HK3: variants seen among roughly 807,000 people sequenced by gnomAD.
The protein encoded by HK3 is hexokinase-3.
HK3 carries 93 observed loss-of-function variants against 91.0 expected under a neutral mutation model. The observed-to-expected ratio is 1.02, with a 90% CI of 0.86 to 1.21. The LOEUF (loss-of-function observed/expected upper bound fraction) is 1.21, where lower values mean the gene tolerates loss of function less well. Ranked by LOEUF, HK3 falls within the 50% of genes most tolerant of loss-of-function variation. HK3 has a pLI of 0.00. For synonymous variants in HK3, 519 were observed against 516.9 expected (o/e 1.00, Z -0.06); for missense variants, 1,235 against 1,247.4 (o/e 0.99, Z 0.15).
rs1758514751 is a variant in HK3 at position 176,884,018 on chromosome 5, A to T, written c.1953+21T>A. 6.2e-7 allele frequency: 1 copy of T among 1,611,344 alleles called. No individual in the cohort carries two copies. Among genetic ancestry groups the T allele is most frequent in the Admixed American group, 1.7e-5 (1 of 59,998 alleles). On this transcript the variant is annotated intron_variant, in intron 14 of 18. Coordinates refer to ENST00000292432, the MANE Select transcript of HK3 (RefSeq NM_002115.3). This position sits in a 1 kb window ranked among gnomAD's most constrained non-coding sequence, Gnocchi z 4.1. ...TCAAGGCCTGCCACAGCCCCAAAGC[A>T]CCCCTAGAACAGGCTCCTACCTGTC...
At chr5:176,894,750 T>C (rs1474367379) in intron 2 of HK3, among the ~76,000 whole-genome samples, 8 of 151,800 alleles carry the variant, frequency 5.3e-5, no homozygotes, top group Admixed American at 1.3e-4. Context: ...CAAGTACCCT[T>C]TAGTGGGCAC....
In HK3 at chr5:176,888,493, A is replaced by C. The variant is rs1758664020; in HGVS notation, c.1143T>G (p.Val381=). Residue 381 remains valine, a synonymous_variant, in exon 10 of 19, where the codon GTT becomes GTG. Coordinates refer to ENST00000292432, the MANE Select transcript of HK3 (RefSeq NM_002115.3). ...CCGCACAGACGTGCTGCACAAGCTC[A>C]ACATCCGAAGCCCCAGGGCTCAGGC... is the stretch of plus-strand genomic sequence containing the variant. ...DLGLSPGASD[V]ELVQHVCAAV... The C allele has an allele frequency of 6.4e-7, 1 of 1,553,894 alleles. No individual in the cohort carries two copies. The highest frequency in any genetic ancestry group is 8.7e-7 in the Non-Finnish European group (1 of 1,148,092).
chr5:176,883,887 C>T lies in HK3; in HGVS notation c.1954-18G>A, dbSNP rs1758510050. ...TCCACTGCCTGCACACAAAAGGATG[C>T]TGCTAGTTGCTGGGCAACGCGGTCG... On this transcript the variant is annotated intron_variant, in intron 14 of 18. Transcript: ENST00000292432. 6.2e-7 allele frequency: 1 copy of T among 1,612,404 alleles called. No individual in the cohort carries two copies. The highest frequency in any genetic ancestry group is 8.5e-7 in the Non-Finnish European group (1 of 1,178,630).
chr5:176,891,183 C>G lies in HK3; in HGVS notation c.268G>C (p.Asp90His). ...GSTPHGTEQG[D>H]FVVLELGATG... Reference sequence around the variant, plus strand: ...GCCCCCAGCTCCAGCACCACGAAGTCTCCTTGCTCTGGAGGGCAAGCAGGT... The same window carrying G: ...GCCCCCAGCTCCAGCACCACGAAGTGTCCTTGCTCTGGAGGGCAAGCAGGT... Residue 90 changes from aspartate (D) to histidine (H), a missense_variant, in exon 4 of 19, where the codon GAC (aspartate) becomes CAC (histidine). By Grantham distance (81) the Asp-to-His change is moderately conservative. Around this residue, in one of 3 missense-constraint regions of HK3, gnomAD observed 717 missense variants for 751.6 expected, o/e 0.95. Coordinates refer to ENST00000292432, the MANE Select transcript of HK3 (RefSeq NM_002115.3). 2 of 1,614,158 alleles carry G rather than the reference C, an allele frequency of 1.2e-6. No homozygotes were observed. The highest frequency in any genetic ancestry group is 1.7e-6 in the Non-Finnish European group (2 of 1,180,040).
chr5:176,897,586 C>T (rs1377013197), intron 1 of HK3, among the ~76,000 whole-genome samples: 1 of 152,160 alleles, frequency 6.6e-6, no homozygotes, highest in East Asian at 1.9e-4. Flanking sequence ...TTCCTCAGTC[C>T]CCACCTCTGC....
In HK3 at chr5:176,887,073, C is replaced by G; in HGVS notation, c.1786G>C (p.Gly596Arg). ...AGTGGGAGGCTCTGCCCGCTCAGGC[C>G]CTGCTTCTGCTGGAAGTCCACGATG... ...DCIVDFQQKQGLSGQSLPLGF... is the reference protein window; with the variant it reads ...DCIVDFQQKQRLSGQSLPLGF... Residue 596 changes from glycine to arginine, a missense_variant, in exon 13 of 19, where the codon GGC becomes CGC. Gly to Arg is a moderately radical substitution (Grantham distance 125). Coordinates refer to ENST00000292432, the MANE Select transcript of HK3 (RefSeq NM_002115.3). The surrounding 1 kb of genome is among the most constrained non-coding windows in gnomAD (Gnocchi z 4.9). 1 of 1,614,208 alleles carries G rather than the reference C, an allele frequency of 6.2e-7. No individual in the cohort carries two copies. Among genetic ancestry groups the G allele is most frequent in the Non-Finnish European group, 8.5e-7 (1 of 1,180,040 alleles).
Position 176,887,721 on chromosome 5 carries a change from C to G in HK3, c.1330G>C (p.Val444Leu), listed in dbSNP as rs762113995. The G allele has an allele frequency of 6.2e-7, 1 of 1,612,192 alleles. No homozygotes were observed. Among genetic ancestry groups the G allele is most frequent in the Non-Finnish European group, 8.5e-7 (1 of 1,178,590 alleles). The change falls in exon 11 of 19, where the codon GTG becomes CTG. Residue 444 changes from valine (V) to leucine (L), a missense_variant. Physicochemically the swap from Val to Leu is conservative, Grantham distance 32 (BLOSUM62 1). This residue lies in a region of HK3 where 717 missense variants were observed against 751.6 expected (regional missense o/e 0.95). Transcript: ENST00000292432. This position sits in a 1 kb window ranked among gnomAD's most constrained non-coding sequence, Gnocchi z 4.9. The part of the protein sequence containing the change: ...PRFCSVLQGT[V>L]MLLAPECDVS... ...TCGCATTCCGGGGCCAGGAGCATCACTGTCCCCTGCAGGACGCTGCAGAAC... is the reference window on the plus strand; with the variant it reads ...TCGCATTCCGGGGCCAGGAGCATCAGTGTCCCCTGCAGGACGCTGCAGAAC...
In HK3 at chr5:176,881,192, C is replaced by A. The variant is rs754697989; in HGVS notation, c.2653G>T (p.Val885Leu). The A allele has an allele frequency of 3.7e-6, 6 of 1,613,194 alleles. No individual in the cohort carries two copies. Among genetic ancestry groups the A allele is most frequent in the Non-Finnish European group, 5.1e-6 (6 of 1,179,942 alleles). Residue 885 changes from valine (V) to leucine (L), a missense_variant, in exon 19 of 19, where the codon GTG becomes TTG. Coordinates refer to ENST00000292432, the MANE Select transcript of HK3 (RefSeq NM_002115.3). Reference sequence around the variant, plus strand: ...ACACAGCGAGGGGCCAGCTCCCGCACTGTGGCCGCCACCAGGCTGGAGAAG... The same window carrying A: ...ACACAGCGAGGGGCCAGCTCCCGCAATGTGGCCGCCACCAGGCTGGAGAAG... ...PRFSSLVAAT[V>L]RELAPRCVVT...
At position 176,888,381 on chromosome 5, in the gene HK3, G is replaced by C; in HGVS notation, c.1255C>G (p.Leu419Val). Reference sequence around the variant, plus strand: ...CCTCCGGTGGCCACAGCAACCTGGAGTGTTTGTTGCTCCCGGCTGTGCTGG... The same window carrying C: ...CCTCCGGTGGCCACAGCAACCTGGACTGTTTGTTGCTCCCGGCTGTGCTGG... ...CLQHSREQQT[L>V]QVAVATGGRV... The change falls in exon 10 of 19, where the codon CTC becomes GTC. Residue 419 changes from leucine (L) to valine (V), a missense_variant. Around this residue, in one of 3 missense-constraint regions of HK3, gnomAD observed 717 missense variants for 751.6 expected, o/e 0.95. Transcript: ENST00000292432. 6.4e-7 allele frequency: 1 copy of C among 1,563,734 alleles called. No individual in the cohort carries two copies. Among genetic ancestry groups the C allele is most frequent in the Non-Finnish European group, 8.7e-7 (1 of 1,153,470 alleles).
chr5:176,890,015 G>A (rs1193545278), intron 6 of HK3, among the ~76,000 whole-genome samples: 1 of 152,096 alleles, frequency 6.6e-6, no homozygotes, highest in Non-Finnish European at 1.5e-5. Flanking sequence ...CCCAGGACCA[G>A]GATGAGTTTC....
chr5:176,892,246 G>T (rs1758797764), intron 2 of HK3, among the ~76,000 whole-genome samples: 3 of 152,196 alleles, frequency 2.0e-5, no homozygotes, highest in African/African-American at 4.8e-5. Context: ...ACGTAGGGGG[G>T]CAGGATAAGA....
rs1758421188 is a variant in HK3 at position 176,881,340 on chromosome 5, A to G, written c.2589T>C (p.Ser863=). 13 of 1,613,996 alleles carry G rather than the reference A, an allele frequency of 8.1e-6. No homozygotes were observed. Among genetic ancestry groups the G allele is most frequent in the Non-Finnish European group, 1.1e-5 (13 of 1,180,022 alleles). ...ENRGLEELAV[S]VGVDGTLYKL... ...TGTAGAGCGTTCCATCCACCCCCACAGACACTGCCAGCTCTTCCAGGCCCC... is the reference window on the plus strand; with the variant it reads ...TGTAGAGCGTTCCATCCACCCCCACGGACACTGCCAGCTCTTCCAGGCCCC... Residue 863 remains serine, a synonymous_variant, in exon 18 of 19, where the codon TCT becomes TCC. Coordinates refer to ENST00000292432, the MANE Select transcript of HK3 (RefSeq NM_002115.3).
intron 1 of HK3, among the ~76,000 whole-genome samples, chr5:176,898,887 C>T (rs1012331948): frequency 6.6e-6 from 1 of 152,122 alleles, no homozygotes; most frequent in Non-Finnish European, 1.5e-5. Flanking sequence ...AATCCCAGCA[C>T]TTTGGGAGGC....
chr5:176,889,571 G>A lies in HK3; in HGVS notation c.731-7C>T. On this transcript the variant is annotated splice_region_variant and splice_polypyrimidine_tract_variant and intron_variant, in intron 7 of 18. Coordinates refer to ENST00000292432, the MANE Select transcript of HK3 (RefSeq NM_002115.3). ...CACGCGTTGGTGCCCGTGTCTGGCA[G>A]AGACAACCCTGTCAAGGCCTGCTAG... 1 of 1,614,144 alleles carries A rather than the reference G, an allele frequency of 6.2e-7. No homozygotes were observed. The highest frequency in any genetic ancestry group is 8.5e-7 in the Non-Finnish European group (1 of 1,179,964).
intron 1 of HK3, among the ~76,000 whole-genome samples, chr5:176,897,488 C>T (rs1758935181): frequency 6.6e-6 from 1 of 152,156 alleles, no homozygotes; most frequent in Admixed American, 6.5e-5. Flanking sequence ...CACCCCTACA[C>T]TCCCCTCCTT....
chr5:176,896,297 G>A (rs691141), intron 1 of HK3, 112 bp from the exon 2 acceptor site: 221,049 of 504,928 alleles, frequency 0.44, 49,325 homozygotes, highest in Non-Finnish European at 0.45. Context: ...GAAGCTGGGA[G>A]CAGAATTCAG....
rs1471883694 is a variant in HK3, at chr5:176,884,394, G to T, written c.1858-260C>A. 2.6e-5 allele frequency among the ~76,000 whole-genome samples: 4 copies of T among 152,228 alleles called. No individual in the cohort carries two copies. Among genetic ancestry groups the T allele is most frequent in the Non-Finnish European group, 4.4e-5 (3 of 68,048 alleles). On this transcript the variant is annotated intron_variant, in intron 13 of 18. Coordinates refer to ENST00000292432, the MANE Select transcript of HK3 (RefSeq NM_002115.3). This position sits in a 1 kb window ranked among gnomAD's most constrained non-coding sequence, Gnocchi z 4.1. ...TAGTTCCAGACAGTCAGAGGGTCTG[G>T]CCATTTTAAGACGTGTGCCCGGAAG...
chr5:176,892,295 A>G (rs1033658515), intron 2 of HK3, among the ~76,000 whole-genome samples: 1 of 152,188 alleles, frequency 6.6e-6, no homozygotes, highest in African/African-American at 2.4e-5. Flanking sequence ...GTATTTTTAG[A>G]TATGAGTTCA....
intron 2 of HK3, among the ~76,000 whole-genome samples, chr5:176,893,970 T>C (rs1468060106): frequency 2.6e-5 from 4 of 152,242 alleles, no homozygotes. Context: ...GCTGTGTTGC[T>C]GGCCTGGGCC....
Sources: allele counts gnomAD v4.1 joint callset (sites outside exome capture counted in the v4.1 genomes callset), GRCh38; gene constraint gnomAD v4.1.1; regional missense constraint gnomAD v4.1.1; non-coding constraint Gnocchi (gnomAD v3.1); transcripts MANE v1.5; gene names NCBI Gene and HGNC (gene_info 2026-07-23, HGNC 2026-07-21).